The following GRM8 variants were observed in gnomAD, a reference collection of about 807,000 sequenced individuals.
The protein encoded by GRM8 is glutamate metabotropic receptor 8, also known as metabotropic glutamate receptor 8.
In GRM8, 47 loss-of-function variants were observed where a neutral mutation model predicts 87.2. The observed-to-expected ratio is 0.54, with a 90% CI of 0.43 to 0.69. The LOEUF is 0.69. Among genes scored for constraint, GRM8 ranks in the 30% least tolerant of loss-of-function variants. GRM8 has a pLI of 0.00. For synonymous variants in GRM8, 396 were observed against 404.5 expected, an observed-to-expected ratio of 0.98 and a Z score of 0.25; for missense variants, 1,019 against 1,139.2, an observed-to-expected ratio of 0.89 and a Z score of 1.52.
intron 6 of GRM8, among the ~76,000 whole-genome samples, chr7:126,873,778 T>C (rs947020246): frequency 2.0e-5 from 3 of 152,206 alleles, no homozygotes; most frequent in East Asian, 1.9e-4. Flanking sequence ...TGGCAACCTA[T>C]TGGGCTGAGA....
At chr7:126,556,978 C>T (rs1223883393) in intron 8 of GRM8, among the ~76,000 whole-genome samples, 1 of 151,982 alleles carries the variant, frequency 6.6e-6, no homozygotes, top group Non-Finnish European at 1.5e-5. Context: ...GTATTGTTTT[C>T]AAGTAAAGGG....
intron 6 of GRM8, among the ~76,000 whole-genome samples, chr7:126,837,078 T>C (rs1290886924): frequency 6.6e-6 from 1 of 152,176 alleles, no homozygotes; most frequent in Non-Finnish European, 1.5e-5. Flanking sequence ...TTTTTTTTCT[T>C]ACATCAAGAT....
chr7:127,143,612 T>A (rs1563540166), intron 2 of GRM8, among the ~76,000 whole-genome samples: 1 of 152,052 alleles, frequency 6.6e-6, no homozygotes, highest in Non-Finnish European at 1.5e-5. Flanking sequence ...CTTACAGAGG[T>A]TAAAAAATTT....
intron 3 of GRM8, among the ~76,000 whole-genome samples, chr7:127,047,417 C>T (rs1006218739): frequency 6.6e-6 from 1 of 151,952 alleles, no homozygotes; most frequent in African/African-American, 2.4e-5. Context: ...TCTAACTTCT[C>T]CTAATCTCTG....
intron 2 of GRM8, among the ~76,000 whole-genome samples, chr7:127,242,033 C>G (rs1245250541): frequency 2.6e-5 from 4 of 151,898 alleles, no homozygotes; most frequent in African/African-American, 9.7e-5. Flanking sequence ...AATAGATCAC[C>G]AAACCTAAAT....
chr7:126,710,114 T>C (rs540814550), intron 7 of GRM8, among the ~76,000 whole-genome samples: 68 of 152,330 alleles, frequency 4.5e-4, no homozygotes, highest in African/African-American at 1.5e-3. Context: ...TCTAAGAAAG[T>C]GCATAATTTA....
At chr7:127,073,153 C>A (rs758099642) in intron 3 of GRM8, among the ~76,000 whole-genome samples, 2 of 152,162 alleles carry the variant, frequency 1.3e-5, no homozygotes, top group African/African-American at 4.8e-5. Flanking sequence ...GCCCACTGAG[C>A]AGACCTTTGA....
At chr7:126,722,871 T>C (rs2151458712) in intron 7 of GRM8, among the ~76,000 whole-genome samples, 1 of 142,222 alleles carries the variant, frequency 7.0e-6, no homozygotes, top group East Asian at 2.0e-4. Flanking sequence ...GAATCATGCC[T>C]AATCCTGAGA....
At chr7:127,225,983 G>A (rs10487472) in intron 2 of GRM8, among the ~76,000 whole-genome samples, 10,679 of 152,094 alleles carry the variant, frequency 0.07, 633 homozygotes, top group African/African-American at 0.16. Flanking sequence ...ATTTGTACAC[G>A]TCATTCATTA....
intron 9 of GRM8, among the ~76,000 whole-genome samples, chr7:126,498,499 T>C (rs1809117775): frequency 6.6e-6 from 1 of 151,810 alleles, no homozygotes; most frequent in Non-Finnish European, 1.5e-5. Flanking sequence ...GACCATAGCA[T>C]GGGAAGCCCC....
intron 6 of GRM8, among the ~76,000 whole-genome samples, chr7:126,880,196 A>G (rs1799899467): frequency 1.3e-5 from 2 of 152,234 alleles, no homozygotes; most frequent in African/African-American, 4.8e-5. Context: ...ATGGAGCTCA[A>G]TATAATCAGC....
chr7:127,092,481 A>ATCCACC (rs1824237496), intron 3 of GRM8, among the ~76,000 whole-genome samples: 1 of 152,204 alleles, frequency 6.6e-6, no homozygotes, highest in Admixed American at 6.5e-5. Flanking sequence ...GGATCTCTTG[A>ATCCACC]GGCCAGGAGT....
chr7:127,059,394 T>G (rs1820392139), intron 3 of GRM8, among the ~76,000 whole-genome samples: 1 of 150,802 alleles, frequency 6.6e-6, no homozygotes, highest in Non-Finnish European at 1.5e-5. Context: ...TGGAGTGCAG[T>G]GGCGCAATCT....
At chr7:126,724,151 C>A (rs753133732) in intron 7 of GRM8, among the ~76,000 whole-genome samples, 1 of 152,168 alleles carries the variant, frequency 6.6e-6, no homozygotes, top group Non-Finnish European at 1.5e-5. Context: ...TCAGCTACTA[C>A]TGTGAGTTCT....
At chr7:127,151,164 T>A (rs1404122265) in intron 2 of GRM8, among the ~76,000 whole-genome samples, 1 of 152,010 alleles carries the variant, frequency 6.6e-6, no homozygotes, top group Non-Finnish European at 1.5e-5. Flanking sequence ...CACTGGAGAC[T>A]CTATACTCCA....
chr7:126,487,554 G>T (rs2150624043), intron 9 of GRM8, among the ~76,000 whole-genome samples: 1 of 152,086 alleles, frequency 6.6e-6, no homozygotes, highest in South Asian at 2.1e-4. Context: ...CAATGTCAAT[G>T]ACCTTTCCCT....
chr7:126,711,812 C>T (rs1811122771), intron 7 of GRM8, among the ~76,000 whole-genome samples: 1 of 152,152 alleles, frequency 6.6e-6, no homozygotes, highest in South Asian at 2.1e-4. Context: ...TTTTCTTAAA[C>T]CTCATGAACC....
chr7:126,550,572 ACT>A (rs1419183734), intron 8 of GRM8, among the ~76,000 whole-genome samples: 1 of 152,080 alleles, frequency 6.6e-6, no homozygotes, highest in Non-Finnish European at 1.5e-5. Flanking sequence ...TTAAACAATA[ACT>A]CTTTCCAATT....
At chr7:127,076,267 T>C (rs1822251453) in intron 3 of GRM8, 2 of 455,176 alleles carry the variant, frequency 4.4e-6, no homozygotes, top group South Asian at 3.1e-5. Context: ...ATGAGGCAAA[T>C]AGACTTTTAA....
Sources: allele counts gnomAD v4.1 joint callset (sites outside exome capture counted in the v4.1 genomes callset), GRCh38; gene constraint gnomAD v4.1.1; transcripts MANE v1.5; gene names NCBI Gene and HGNC (gene_info 2026-07-23, HGNC 2026-07-21).